PALB2: variants seen among roughly 807,000 people sequenced by gnomAD.
PALB2 encodes the protein partner and localizer of BRCA2, also known as mutant partner and localizer of BRCA2.
A neutral mutation model predicts 107.4 loss-of-function variants in PALB2; 82 were observed. That is an observed-to-expected ratio of 0.76 (90% CI 0.64 to 0.92). PALB2 has a LOEUF of 0.92. Ranked by LOEUF, PALB2 falls within the 40% of genes least tolerant of loss-of-function variation. PALB2 has a pLI of 0.00. For synonymous variants in PALB2, 489 were observed against 496.8 expected (o/e 0.98, Z 0.21); for missense variants, 1,374 against 1,379.9 (o/e 1.00, Z 0.07).
intron 3 of PALB2, among the ~76,000 whole-genome samples, chr16:23,636,539 G>A (rs1464935153): frequency 1.3e-5 from 2 of 152,112 alleles, no homozygotes; most frequent in Non-Finnish European, 2.9e-5. Flanking sequence ...ACCTTTAGGA[G>A]GAATGTGTTC....
intron 10 of PALB2, among the ~76,000 whole-genome samples, chr16:23,614,945 T>C (rs1597074307): frequency 6.8e-6 from 1 of 147,824 alleles, no homozygotes. Context: ...CCACCGCGCC[T>C]GGCCTTTTTT....
chr16:23,616,798 TA>T (rs1966691308), intron 10 of PALB2, among the ~76,000 whole-genome samples: 3 of 152,184 alleles, frequency 2.0e-5, no homozygotes, highest in Non-Finnish European at 4.4e-5. Flanking sequence ...GACTTCATTG[TA>T]AACATTAAGC....
chr16:23,608,334 C>T lies in PALB2; in HGVS notation c.3202-322G>A, dbSNP rs893573964. 2.0e-5 allele frequency among the ~76,000 whole-genome samples: 3 copies of T among 152,098 alleles called. No individual in the cohort carries two copies. The South Asian group carries it at 6.2e-4, about 32-fold the overall frequency. ...CCTCCCAAAGTGTTGGGATTACAGACGTCAGCCACCGCGCTCAGCCAACTT... is the reference window on the plus strand; with the variant it reads ...CCTCCCAAAGTGTTGGGATTACAGATGTCAGCCACCGCGCTCAGCCAACTT... On this transcript the variant is annotated intron_variant, in intron 11 of 12. Transcript: ENST00000261584.
intron 11 of PALB2, among the ~76,000 whole-genome samples, chr16:23,612,420 T>C (rs1322344393): frequency 1.3e-5 from 2 of 151,954 alleles, no homozygotes; most frequent in Non-Finnish European, 2.9e-5. Flanking sequence ...GGTTTTACCA[T>C]GTTGGCCAGG....
At chr16:23,614,284 A>T (rs1285118378) in intron 10 of PALB2, among the ~76,000 whole-genome samples, 193 bp from the exon 11 acceptor site, 1 of 152,178 alleles carries the variant, frequency 6.6e-6, no homozygotes, top group African/African-American at 2.4e-5. Flanking sequence ...TTCATTTGAT[A>T]GTTCAGCCTT....
intron 11 of PALB2, among the ~76,000 whole-genome samples, chr16:23,613,535 T>C (rs1317593147): frequency 3.9e-5 from 6 of 152,136 alleles, no homozygotes; most frequent in African/African-American, 1.4e-4. Flanking sequence ...TCCCAGCTAC[T>C]TGGAAGACTG....
chr16:23,613,847 T>C (rs1010830621), intron 11 of PALB2, among the ~76,000 whole-genome samples, 157 bp downstream of exon 11: 5 of 152,112 alleles, frequency 3.3e-5, no homozygotes, highest in African/African-American at 9.7e-5. Flanking sequence ...CCAACACTTA[T>C]TTTCATCCTA....
In PALB2 at chr16:23,641,161, G is replaced by C. The variant is rs1374195165; in HGVS notation, c.-4C>G. The C allele has an allele frequency of 6.2e-7, 1 of 1,612,406 alleles. No homozygotes were observed. Among genetic ancestry groups the C allele is most frequent in the Middle Eastern group, 1.8e-4 (1 of 5,626 alleles). On this transcript the variant is annotated 5_prime_UTR_variant, in exon 1 of 13. Transcript: ENST00000261584. ...GCTTCCCGGGAGGCTCGTCCATCGG[G>C]CAGGCGACAGAACGAAAAGAGCAGC...
rs1966853809 is a variant in PALB2, at chr16:23,629,228, G to C, written c.2562C>G (p.Asn854Lys). 6.2e-7 allele frequency: 1 copy of C among 1,613,570 alleles called. No homozygotes were observed. The highest frequency in any genetic ancestry group is 8.5e-7 in the Non-Finnish European group (1 of 1,179,846). Residue 854 changes from asparagine to lysine, a missense_variant, in exon 6 of 13, where the codon AAC becomes AAG. Physicochemically the swap from Asn to Lys is moderately conservative, Grantham distance 94 (BLOSUM62 0). Transcript: ENST00000261584. Reference sequence around the variant, plus strand: ...CCTTTAACTCTGAAACCAATTGTAGGTTGCCTGGGTTTATGCTATCAGAAG... The same window carrying C: ...CCTTTAACTCTGAAACCAATTGTAGCTTGCCTGGGTTTATGCTATCAGAAG... ...LPASDSINPG[N>K]LQLVSELKNP...
chr16:23,626,120 A>G, intron 7 of PALB2, 116 bp downstream of exon 7: 1 of 1,212,638 alleles, frequency 8.2e-7, no homozygotes, highest in Non-Finnish European at 1.2e-6. Context: ...TTGGGAAAAA[A>G]ACCTCATCTC....
chr16:23,635,786 AT>A lies in PALB2; in HGVS notation c.759del (p.Ser254GlnfsTer25), dbSNP rs1060499830. The A allele has an allele frequency of 6.2e-7, 1 of 1,614,150 alleles. No homozygotes were observed. The highest frequency in any genetic ancestry group is 8.5e-7 in the Non-Finnish European group (1 of 1,180,020). ...TRATTVPLQT[L>X]SDSGSSQHLE... ...AGGTGCTGACTACTACCGCTATCTG[AT>A]AGAGTCTGTAAAGGAACTGTAGTCG... is the stretch of plus-strand genomic sequence containing the variant. On this transcript the variant is annotated frameshift_variant, in exon 4 of 13. Coordinates refer to ENST00000261584, the MANE Select transcript of PALB2 (RefSeq NM_024675.4). LOFTEE classifies it high-confidence loss of function.
intron 12 of PALB2, among the ~76,000 whole-genome samples, chr16:23,604,598 C>A (rs1966430529): frequency 6.6e-6 from 1 of 151,956 alleles, no homozygotes; most frequent in Non-Finnish European, 1.5e-5. Flanking sequence ...GAAACCCGGT[C>A]TCTACTAAAA....
intron 1 of PALB2, chr16:23,640,231 C>T (rs189420458): frequency 2.7e-4 from 49 of 183,256 alleles, no homozygotes; most frequent in Admixed American, 9.4e-4. Context: ...ATCTTGTTTA[C>T]TTATAAATGA....
At position 23,621,372 on chromosome 16, in the gene PALB2, T is replaced by C. The variant is rs863224783; in HGVS notation, c.3103A>G (p.Ile1035Val). 8.7e-6 allele frequency: 14 copies of C among 1,608,772 alleles called. No homozygotes were observed. The highest frequency in any genetic ancestry group is 5.0e-5 in the Admixed American group (3 of 59,984). ...ALLGTTIMNN[I>V]VIWNLKTGQL... ...AGAGGGAAAGCTTACCAAATAACAA[T>C]GTTGTTCATAATAGTAGTACCAAGC... is the stretch of plus-strand genomic sequence containing the variant. Residue 1035 changes from isoleucine (I) to valine (V), a missense_variant, in exon 10 of 13, where the codon ATT (isoleucine) becomes GTT (valine). Transcript: ENST00000261584.
At chr16:23,634,811 T>C (rs1325319792) in intron 4 of PALB2, 51 bp downstream of exon 4, 1 of 1,571,528 alleles carries the variant, frequency 6.4e-7, no homozygotes, top group East Asian at 2.3e-5. Flanking sequence ...CAAATAGTAA[T>C]TGTTAACTTT....
chr16:23,639,929 T>C (rs1462547124), intron 1 of PALB2, among the ~76,000 whole-genome samples: 1 of 152,118 alleles, frequency 6.6e-6, no homozygotes, highest in Non-Finnish European at 1.5e-5. Context: ...TCGTCCAGCC[T>C]GGCGTGCAGT....
At chr16:23,608,907 A>G (rs1322828120) in intron 11 of PALB2, among the ~76,000 whole-genome samples, 4 of 151,144 alleles carry the variant, frequency 2.6e-5, no homozygotes, top group South Asian at 2.1e-4. Context: ...AGCTCACTGC[A>G]ACCTCCGCCT....
rs1434219502 is a variant in PALB2, at chr16:23,641,289, C to G, written c.-132G>C. On this transcript the variant is annotated 5_prime_UTR_variant, in exon 1 of 13. Transcript: ENST00000261584. Reference sequence around the variant, plus strand: ...AGCCCGGGATCGCACCCTCAGTGCGCGATCAGCTGACCCACGCGGGCCAAG... The same window carrying G: ...AGCCCGGGATCGCACCCTCAGTGCGGGATCAGCTGACCCACGCGGGCCAAG... The G allele has an allele frequency of 2.4e-6, 3 of 1,242,286 alleles. No individual in the cohort carries two copies. The highest frequency in any genetic ancestry group is 2.3e-6 in the Non-Finnish European group (2 of 879,088). The allele number at this position is 1,242,286 out of a possible 1,614,324, so 77.0% of individuals were successfully genotyped here.
intron 10 of PALB2, among the ~76,000 whole-genome samples, chr16:23,617,255 C>A (rs1966700255): frequency 6.6e-6 from 1 of 151,996 alleles, no homozygotes; most frequent in Admixed American, 6.6e-5. Flanking sequence ...TAAAATTATA[C>A]AGAGCCCAAA....
Sources: allele counts gnomAD v4.1 joint callset (sites outside exome capture counted in the v4.1 genomes callset), GRCh38; gene constraint gnomAD v4.1.1; transcripts MANE v1.5; gene names NCBI Gene and HGNC (gene_info 2026-07-23, HGNC 2026-07-21).